The following CADM2 variants were observed in gnomAD, a reference collection of about 807,000 sequenced individuals.
CADM2 encodes cell adhesion molecule 2.
CADM2 carries 12 observed loss-of-function variants against 49.8 expected under a neutral mutation model. That is an observed-to-expected ratio of 0.24 (90% confidence interval 0.15 to 0.39). The LOEUF is 0.39. Among genes scored for constraint, CADM2 ranks in the 10% least tolerant of loss-of-function variants. CADM2 has a pLI of 1.00. For missense variants in CADM2, 378 were observed against 492.3 expected (o/e 0.77, Z 2.20); for synonymous variants, 214 against 175.4 (o/e 1.22, Z -1.74).
intron 1 of CADM2, among the ~76,000 whole-genome samples, chr3:85,240,567 A>T (rs979526369): frequency 6.6e-6 from 1 of 151,520 alleles, no homozygotes; most frequent in African/African-American, 2.4e-5. Flanking sequence ...ATAGATTCAA[A>T]TAGGGAACCC....
At chr3:85,869,151 A>C (rs1390940600) in intron 3 of CADM2, among the ~76,000 whole-genome samples, 1 of 152,066 alleles carries the variant, frequency 6.6e-6, no homozygotes, top group Non-Finnish European at 1.5e-5. Flanking sequence ...CTGTTATGGT[A>C]ATGCTAACCT....
intron 1 of CADM2, among the ~76,000 whole-genome samples, chr3:85,582,633 C>T (rs2062829975): frequency 1.3e-5 from 2 of 151,972 alleles, no homozygotes; most frequent in Non-Finnish European, 2.9e-5. Flanking sequence ...GGCACTAATC[C>T]CATCATGAGG....
At chr3:86,054,851 G>T (rs1422492864) in intron 8 of CADM2, among the ~76,000 whole-genome samples, 1 of 151,682 alleles carries the variant, frequency 6.6e-6, no homozygotes, top group East Asian at 1.9e-4. Flanking sequence ...AGAATACATT[G>T]CCAAAATGGA....
intron 1 of CADM2, among the ~76,000 whole-genome samples, chr3:85,315,247 T>C (rs1245136907): frequency 6.6e-6 from 1 of 152,264 alleles, no homozygotes; most frequent in Non-Finnish European, 1.5e-5. Flanking sequence ...TCTCAGCCTC[T>C]TGAAAGTATT....
At chr3:85,306,189 T>C (rs1026173861) in intron 1 of CADM2, among the ~76,000 whole-genome samples, 5 of 151,674 alleles carry the variant, frequency 3.3e-5, no homozygotes, top group African/African-American at 1.2e-4. Flanking sequence ...ATTCACCAAA[T>C]ATAAATAACC....
At chr3:86,021,506 T>C (rs1733177228) in intron 8 of CADM2, among the ~76,000 whole-genome samples, 1 of 152,186 alleles carries the variant, frequency 6.6e-6, no homozygotes, top group Non-Finnish European at 1.5e-5. Context: ...ATTTCTCATA[T>C]CTACAAAAAG....
In CADM2 at chr3:85,015,080, G is replaced by A. The variant is rs115577357; in HGVS notation, c.61+55412G>A. Among the ~76,000 whole-genome samples, 680 of 151,816 alleles carry A rather than the reference G, an allele frequency of 4.5e-3. 4 individuals are homozygous for A. Among genetic ancestry groups the A allele is most frequent in the African/African-American group, 0.015 (636 of 41,392 alleles). On this transcript the variant is annotated intron_variant, in intron 1 of 9. Coordinates refer to ENST00000383699, the MANE Select transcript of CADM2 (RefSeq NM_001167675.2). The stretch of plus-strand genomic sequence containing the variant: ...GGATAATACCATTTTCTATTGTGCC[G>A]TACATAGTATACATACACGTATACA...
chr3:85,167,732 T>C (rs1201710290), intron 1 of CADM2, among the ~76,000 whole-genome samples: 1 of 152,150 alleles, frequency 6.6e-6, no homozygotes. Context: ...ATACCTTTCT[T>C]TCAAAAAAAC....
intron 1 of CADM2, among the ~76,000 whole-genome samples, chr3:85,023,666 TA>T (rs1360838917): frequency 6.6e-6 from 1 of 152,090 alleles, no homozygotes; most frequent in Non-Finnish European, 1.5e-5. Context: ...ACATTCAGGG[TA>T]AAAGTTGATG....
Position 86,068,786 on chromosome 3 carries a change from T to C in CADM2, c.*2003T>C, listed in dbSNP as rs1739594083. 6.6e-6 allele frequency: 1 copy of C among 152,356 alleles called. No homozygotes were observed. The highest frequency in any genetic ancestry group is 2.1e-4 in the South Asian group (1 of 4,832). 9.4% of individuals were successfully genotyped at this position (152,356 alleles called of 1,614,324 possible). On this transcript the variant is annotated 3_prime_UTR_variant, in exon 10 of 10. Coordinates refer to ENST00000383699, the MANE Select transcript of CADM2 (RefSeq NM_001167675.2). The stretch of plus-strand genomic sequence containing the variant: ...TTAACATAATAAATCATATACAGTA[T>C]GACATTTTAAGGAAATAAGTCTGCA...
intron 3 of CADM2, among the ~76,000 whole-genome samples, chr3:85,821,066 A>C (rs2073529166): frequency 6.6e-6 from 1 of 152,170 alleles, no homozygotes; most frequent in African/African-American, 2.4e-5. Context: ...TCCTTTGATG[A>C]GTACCTATCC....
intron 8 of CADM2, among the ~76,000 whole-genome samples, chr3:86,003,392 G>A (rs1164474076): frequency 6.6e-6 from 1 of 152,058 alleles, no homozygotes; most frequent in East Asian, 1.9e-4. Flanking sequence ...CATGTCTTCT[G>A]CCAGCATCTA....
intron 1 of CADM2, among the ~76,000 whole-genome samples, chr3:85,725,018 T>TA (rs1023969276): frequency 5.3e-5 from 8 of 151,804 alleles, no homozygotes; most frequent in Admixed American, 3.9e-4. Flanking sequence ...TAAGTTACTT[T>TA]AAAAAAAATC....
chr3:85,659,053 A>AAATAGTAATAAT (rs1553656812), intron 1 of CADM2, among the ~76,000 whole-genome samples: 1 of 140,070 alleles, frequency 7.1e-6, no homozygotes, highest in Non-Finnish European at 1.5e-5. Context: ...CTCTGTCTCT[A>AAATAGTAATAAT]AATAATAATA....
At chr3:86,015,472 G>A (rs565214308) in intron 8 of CADM2, among the ~76,000 whole-genome samples, 141 of 152,256 alleles carry the variant, frequency 9.3e-4, no homozygotes, top group Non-Finnish European at 1.7e-3. Context: ...GTTTTGAAGA[G>A]GTGCGGGAGG....
intron 1 of CADM2, among the ~76,000 whole-genome samples, chr3:85,225,587 T>C (rs1185333417): frequency 6.6e-6 from 1 of 152,184 alleles, no homozygotes; most frequent in Non-Finnish European, 1.5e-5. Context: ...AAGAATACCC[T>C]TTATTTCTTT....
At chr3:85,833,143 T>C (rs1347135857) in intron 3 of CADM2, among the ~76,000 whole-genome samples, 1 of 151,926 alleles carries the variant, frequency 6.6e-6, no homozygotes, top group African/African-American at 2.4e-5. Context: ...TACTAAACCA[T>C]CACTGCATCC....
At chr3:85,562,128 A>G (rs1342503052) in intron 1 of CADM2, among the ~76,000 whole-genome samples, 1 of 152,122 alleles carries the variant, frequency 6.6e-6, no homozygotes, top group African/African-American at 2.4e-5. Flanking sequence ...TAAATATTAT[A>G]TACCATTTTA....
At chr3:85,557,789 C>G (rs547881707) in intron 1 of CADM2, among the ~76,000 whole-genome samples, 1 of 151,974 alleles carries the variant, frequency 6.6e-6, no homozygotes, top group Admixed American at 6.6e-5. Context: ...AACATTTAAT[C>G]TATTTGTGAG....
Sources: gnomAD v4.1 joint callset for allele counts (sites outside exome capture counted in the v4.1 genomes callset) on GRCh38, gnomAD v4.1.1 for gene constraint, MANE v1.5 for transcripts, NCBI Gene and HGNC (gene_info 2026-07-23, HGNC 2026-07-21) for gene names.